The following CDH1 variants were observed in gnomAD, a reference collection of about 807,000 sequenced individuals.
The protein encoded by CDH1 is cadherin-1.
Under a neutral mutation model 84.5 loss-of-function variants are expected in CDH1, and 35 were observed. That is an observed-to-expected ratio of 0.41 (90% CI 0.32 to 0.55). The LOEUF (loss-of-function observed/expected upper bound fraction) is 0.55, where lower values mean the gene tolerates loss of function less well. Among genes scored for constraint, CDH1 ranks in the 20% least tolerant of loss-of-function variants. The pLI, the probability that CDH1 is intolerant of heterozygous loss-of-function variation, is 0.19. For missense variants in CDH1, 994 were observed against 1,126.6 expected (o/e 0.88, Z 1.68); for synonymous variants, 417 against 439.0 (o/e 0.95, Z 0.63).
chr16:68,828,875 T>C (rs1322536799), intron 14 of CDH1, among the ~76,000 whole-genome samples: 1 of 152,194 alleles, frequency 6.6e-6, no homozygotes, highest in East Asian at 1.9e-4. Flanking sequence ...TACAGAGTCC[T>C]GTTTTTGACT....
chr16:68,775,847 C>T (rs1959718638), intron 2 of CDH1, among the ~76,000 whole-genome samples: 1 of 152,218 alleles, frequency 6.6e-6, no homozygotes, highest in Non-Finnish European at 1.5e-5. Flanking sequence ...CCAAAGCTGT[C>T]ACTCAGATGT....
At chr16:68,829,620 C>G (rs1567515971) in intron 14 of CDH1, 34 bp from the exon 15 acceptor site, 1 of 1,610,384 alleles carries the variant, frequency 6.2e-7, no homozygotes, top group Non-Finnish European at 8.5e-7. Flanking sequence ...TTCTTTCCTA[C>G]TCTTCATTGT....
intron 10 of CDH1, among the ~76,000 whole-genome samples, chr16:68,819,042 G>C (rs981258511): frequency 6.6e-6 from 1 of 151,976 alleles, no homozygotes; most frequent in Non-Finnish European, 1.5e-5. Flanking sequence ...TTTTAGTAGA[G>C]ACAGGGTTTC....
intron 2 of CDH1, among the ~76,000 whole-genome samples, chr16:68,755,623 T>G (rs1962998621): frequency 6.6e-6 from 1 of 152,112 alleles, no homozygotes; most frequent in Admixed American, 6.6e-5. Context: ...TTTATCTTTC[T>G]CTTTTGACCT....
intron 2 of CDH1, among the ~76,000 whole-genome samples, chr16:68,778,672 G>A (rs528046744): frequency 1.3e-5 from 2 of 152,118 alleles, no homozygotes; most frequent in African/African-American, 4.8e-5. Context: ...CAGGCAGGCC[G>A]GTTTTCCAGA....
chr16:68,824,483 G>A (rs185130922), intron 13 of CDH1, among the ~76,000 whole-genome samples: 2 of 152,058 alleles, frequency 1.3e-5, no homozygotes, highest in Admixed American at 6.6e-5. Flanking sequence ...GAGGCCAAAC[G>A]ACTGGAAGTT....
At chr16:68,749,169 A>C (rs1245450318) in intron 2 of CDH1, among the ~76,000 whole-genome samples, 1 of 152,238 alleles carries the variant, frequency 6.6e-6, no homozygotes, top group African/African-American at 2.4e-5. Context: ...GAAGGTTTCC[A>C]GCAACTAAGT....
At chr16:68,790,504 C>T (rs956555819) in intron 2 of CDH1, among the ~76,000 whole-genome samples, 3 of 152,140 alleles carry the variant, frequency 2.0e-5, no homozygotes, top group African/African-American at 7.2e-5. Context: ...CGCATGCAGC[C>T]ACAGCTGGGA....
At position 68,762,467 on chromosome 16, in the gene CDH1, G is replaced by T. The variant is rs34037804; in HGVS notation, c.163+24056G>T. On this transcript the variant is annotated intron_variant, in intron 2 of 15. Coordinates refer to ENST00000261769, the MANE Select transcript of CDH1 (RefSeq NM_004360.5). ...TGCTGTGGGAGGATTAGGCTGCAGG[G>T]TTACCCCATAACCCCCAGTGGAGGT... Among the ~76,000 whole-genome samples the T allele has an allele frequency of 2.4e-3, 365 of 152,274 alleles. 1 individual carries two copies. Among genetic ancestry groups the T allele is most frequent in the Middle Eastern group, 6.8e-3 (2 of 294 alleles).
At chr16:68,824,511 T>C (rs1287768772) in intron 13 of CDH1, among the ~76,000 whole-genome samples, 1 of 152,064 alleles carries the variant, frequency 6.6e-6, no homozygotes, top group African/African-American at 2.4e-5. Context: ...TCACCTCCAC[T>C]TATATACCAT....
At chr16:68,818,212 C>A (rs1961031760) in intron 10 of CDH1, among the ~76,000 whole-genome samples, 1 of 142,922 alleles carries the variant, frequency 7.0e-6, no homozygotes, top group Non-Finnish European at 1.5e-5. Context: ...TGTACTCCAG[C>A]CTGGGCGACA....
intron 2 of CDH1, among the ~76,000 whole-genome samples, chr16:68,767,193 C>CT (rs935426172): frequency 1.0e-3 from 148 of 145,016 alleles, no homozygotes; most frequent in African/African-American, 2.7e-3. Context: ...CATTAAGTTT[C>CT]TTTTTTTTTT....
chr16:68,771,952 C>T (rs147748004), intron 2 of CDH1, among the ~76,000 whole-genome samples: 368 of 152,172 alleles, frequency 2.4e-3, no homozygotes, highest in Middle Eastern at 6.8e-3. Context: ...ATCATCCCAT[C>T]CCCTTAGGAA....
intron 3 of CDH1, among the ~76,000 whole-genome samples, chr16:68,807,302 T>C (rs971841141): frequency 6.6e-6 from 1 of 152,184 alleles, no homozygotes; most frequent in East Asian, 1.9e-4. Flanking sequence ...GATCACAAAG[T>C]AGTTCTTAGT....
At chr16:68,786,534 C>CTTTTTCTTTT (rs1960052680) in intron 2 of CDH1, among the ~76,000 whole-genome samples, 1 of 73,914 alleles carries the variant, frequency 1.4e-5, no homozygotes, top group African/African-American at 5.9e-5. Flanking sequence ...TTTTTTTTTT[C>CTTTTTCTTTT]TTTTTTTTTT....
intron 7 of CDH1, 83 bp from the exon 8 acceptor site, chr16:68,812,052 T>G (rs957753747): frequency 6.3e-7 from 1 of 1,598,948 alleles, no homozygotes; most frequent in East Asian, 2.2e-5. Flanking sequence ...GGTTAAATAT[T>G]CTGGTTCCAT....
chr16:68,767,668 T>C (rs1597861422), intron 2 of CDH1, among the ~76,000 whole-genome samples: 2 of 152,374 alleles, frequency 1.3e-5, no homozygotes, highest in East Asian at 3.8e-4. Context: ...TGTTTTTTTA[T>C]TTACTTTGTT....
chr16:68,737,574 T>A, intron 1 of CDH1, 111 bp downstream of exon 1: 1 of 1,022,058 alleles, frequency 9.8e-7, no homozygotes, highest in Non-Finnish European at 1.5e-6. Context: ...TCCAAGAAAG[T>A]TCGGGTCCTG....
intron 2 of CDH1, among the ~76,000 whole-genome samples, chr16:68,774,492 C>T (rs1959674279): frequency 6.6e-6 from 1 of 152,098 alleles, no homozygotes; most frequent in African/African-American, 2.4e-5. Flanking sequence ...TGCATTCCAG[C>T]CTGGGCGACA....
Sources: allele counts gnomAD v4.1 joint callset (sites outside exome capture counted in the v4.1 genomes callset), GRCh38; gene constraint gnomAD v4.1.1; transcripts MANE v1.5; gene names NCBI Gene and HGNC (gene_info 2026-07-23, HGNC 2026-07-21).